NBAS: variants seen among roughly 807,000 people sequenced by gnomAD.
NBAS encodes NAG/BC035112 fusion.
A neutral mutation model predicts 302.5 loss-of-function variants in NBAS; 219 were observed. That is an observed-to-expected ratio of 0.72 (90% CI 0.65 to 0.81). The LOEUF is 0.81. Among genes scored for constraint, NBAS ranks in the 30% least tolerant of loss-of-function variants. NBAS has a pLI of 0.00. For missense variants in NBAS, 2,932 were observed against 2,841.6 expected (o/e 1.03, Z -0.72); for synonymous variants, 1,118 against 1,021.6 (o/e 1.09, Z -1.80).
chr2:15,048,874 A>G, the NBAS span, among the ~76,000 whole-genome samples: 1 of 152,208 alleles, frequency 6.6e-6, no homozygotes, highest in African/African-American at 2.4e-5. Context: ...GTCTAGGCCA[A>G]TCACTGGGAG....
the NBAS span, among the ~76,000 whole-genome samples, chr2:14,835,377 A>G: frequency 0.051 from 7,814 of 152,112 alleles, 298 homozygotes; most frequent in Non-Finnish European, 0.078. Context: ...ATACTGAATT[A>G]TTATAAATTA....
intron 25 of NBAS, among the ~76,000 whole-genome samples, chr2:15,403,426 C>T (rs1389941395): frequency 6.6e-6 from 1 of 152,132 alleles, no homozygotes; most frequent in African/African-American, 2.4e-5. Flanking sequence ...TCCAAAATAT[C>T]TGGGGGAAAA....
intron 19 of NBAS, among the ~76,000 whole-genome samples, chr2:15,463,674 C>A (rs1196964006): frequency 6.6e-6 from 1 of 151,250 alleles, no homozygotes; most frequent in Non-Finnish European, 1.5e-5. Context: ...AGCTATGATC[C>A]CTGAACACAA....
the NBAS span, among the ~76,000 whole-genome samples, chr2:15,005,109 A>T: frequency 1.3e-5 from 2 of 152,314 alleles, no homozygotes; most frequent in African/African-American, 4.8e-5. Flanking sequence ...CCAAATTTTT[A>T]AAAATTCTTA....
chr2:15,028,490 ATCAGATTGTG>A, the NBAS span, among the ~76,000 whole-genome samples: 1 of 152,332 alleles, frequency 6.6e-6, no homozygotes, highest in East Asian at 1.9e-4. Context: ...TAAAACATAA[ATCAGATTGTG>A]TCATTTTCCT....
chr2:15,275,452 C>G, intron 44 of NBAS, 32 bp downstream of exon 44: 1 of 1,599,272 alleles, frequency 6.3e-7, no homozygotes, highest in Non-Finnish European at 8.6e-7. Flanking sequence ...TTCTACTGTG[C>G]TCAAACCACT....
At chr2:14,802,804 C>A in the NBAS span, among the ~76,000 whole-genome samples, 1 of 141,344 alleles carries the variant, frequency 7.1e-6, no homozygotes, top group Non-Finnish European at 1.5e-5. Context: ...AAACCAAACA[C>A]CACATATTCT....
intron 35 of NBAS, among the ~76,000 whole-genome samples, chr2:15,342,546 C>T (rs1479272253): frequency 6.6e-6 from 1 of 151,854 alleles, no homozygotes; most frequent in Non-Finnish European, 1.5e-5. Context: ...TCTGTCTGTA[C>T]TTAGGAATAT....
At chr2:14,807,637 T>C in the NBAS span, among the ~76,000 whole-genome samples, 3 of 152,216 alleles carry the variant, frequency 2.0e-5, no homozygotes, top group Non-Finnish European at 4.4e-5. Context: ...CACACTTATC[T>C]ATTTTAAAAC....
At chr2:15,396,384 A>T in intron 27 of NBAS, 29 bp downstream of exon 27, 1 of 1,510,902 alleles carries the variant, frequency 6.6e-7, no homozygotes, top group Non-Finnish European at 9.1e-7. Flanking sequence ...ATAAGCATGG[A>T]GAAAAAAAAA....
chr2:15,237,385 C>T (rs545911894), intron 45 of NBAS, among the ~76,000 whole-genome samples: 1 of 151,954 alleles, frequency 6.6e-6, no homozygotes, highest in East Asian at 1.9e-4. Flanking sequence ...TAGAAACCAC[C>T]TAGAAACAAT....
chr2:15,388,747 A>G (rs1023126609), intron 28 of NBAS, among the ~76,000 whole-genome samples: 2 of 152,182 alleles, frequency 1.3e-5, no homozygotes, highest in Non-Finnish European at 2.9e-5. Context: ...AATGTCCATC[A>G]ACAGAGAATG....
At chr2:15,265,297 T>C (rs1669028830) in intron 44 of NBAS, among the ~76,000 whole-genome samples, 3 of 152,276 alleles carry the variant, frequency 2.0e-5, no homozygotes, top group South Asian at 4.1e-4. Context: ...GAAAAAGGAA[T>C]TGGATATCTC....
chr2:15,029,896 T>C, the NBAS span, among the ~76,000 whole-genome samples: 3 of 152,224 alleles, frequency 2.0e-5, no homozygotes, highest in African/African-American at 4.8e-5. Context: ...AGGGAGATTC[T>C]AGGTGCTTTC....
intron 48 of NBAS, among the ~76,000 whole-genome samples, chr2:15,207,188 A>T (rs1666188834): frequency 6.6e-6 from 1 of 152,204 alleles, no homozygotes; most frequent in Admixed American, 6.5e-5. Flanking sequence ...GATATGAGAC[A>T]TGGAGTCAAA....
chr2:15,097,871 T>C, the NBAS span, among the ~76,000 whole-genome samples: 1,156 of 136,872 alleles, frequency 8.4e-3, 18 homozygotes, highest in African/African-American at 0.03. Flanking sequence ...ACCTAACACA[T>C]GGTAAGTGTC....
chr2:15,040,783 C>T, the NBAS span, among the ~76,000 whole-genome samples: 81 of 152,276 alleles, frequency 5.3e-4, no homozygotes, highest in Admixed American at 1.8e-3. Flanking sequence ...ACTTTGCTAC[C>T]CATAAATCCC....
chr2:15,088,246 C>T, the NBAS span, among the ~76,000 whole-genome samples: 1 of 152,252 alleles, frequency 6.6e-6, no homozygotes, highest in Admixed American at 6.5e-5. Context: ...GAGAAAGAAT[C>T]TATGAAGGAA....
chr2:14,995,254 T>C, the NBAS span, among the ~76,000 whole-genome samples: 442 of 152,166 alleles, frequency 2.9e-3, 4 homozygotes, highest in African/African-American at 0.01. Flanking sequence ...TGTTCCCCTT[T>C]CTGTGTCCAT....
Sources: allele counts gnomAD v4.1 joint callset (sites outside exome capture counted in the v4.1 genomes callset), GRCh38; gene constraint gnomAD v4.1.1; transcripts MANE v1.5; gene names NCBI Gene and HGNC (gene_info 2026-07-23, HGNC 2026-07-21).